The following CCDC3 variants were observed in gnomAD, a reference collection of about 807,000 sequenced individuals.
The protein encoded by CCDC3 is coiled-coil domain-containing protein 3.
Under a neutral mutation model 21.4 loss-of-function variants are expected in CCDC3, and 24 were observed. The ratio of observed to expected loss-of-function variants is 1.12; its 90% CI spans 0.81 to 1.58. CCDC3 has a LOEUF of 1.58. CCDC3 is among the 40% of genes most tolerant of loss of function. The pLI is 0.00. For synonymous variants in CCDC3, 186 were observed against 166.0 expected, an observed-to-expected ratio of 1.12 and a Z score of -0.93; for missense variants, 425 against 360.9, an observed-to-expected ratio of 1.18 and a Z score of -1.44.
intron 2 of CCDC3, among the ~76,000 whole-genome samples, chr10:12,957,334 C>T (rs939198986): frequency 7.9e-5 from 12 of 152,352 alleles, no homozygotes; most frequent in Non-Finnish European, 1.5e-4. Context: ...CTCTCTCCTG[C>T]ACTGCAGTAA....
At chr10:13,024,274 G>A (rs1455852947) in intron 5 of CCDC3, among the ~76,000 whole-genome samples, 1 of 151,312 alleles carries the variant, frequency 6.6e-6, no homozygotes, top group South Asian at 2.1e-4. Context: ...AATTTGTATA[G>A]TTTTATATGC....
At chr10:13,023,284 C>A (rs1836171319) in intron 5 of CCDC3, among the ~76,000 whole-genome samples, 1 of 152,100 alleles carries the variant, frequency 6.6e-6, no homozygotes, top group Non-Finnish European at 1.5e-5. Context: ...GCTCACAATT[C>A]TGTTGGTTGA....
At position 12,948,473 on chromosome 10, in the gene CCDC3, A is replaced by G. The variant is rs1341851210; in HGVS notation, c.550-49794T>C. On this transcript the variant is annotated intron_variant, in intron 2 of 2. Transcript: ENST00000378825. ...TAAAGGCAGGCAGACAATTGCACAC[A>G]CACACACACACACACACACACGGGA... Among the ~76,000 whole-genome samples the G allele has an allele frequency of 5.3e-5, 8 of 149,690 alleles. No homozygotes were observed. The East Asian group carries it at 9.8e-4, about 18-fold the overall frequency.
At chr10:13,064,077 A>G (rs1458794684) in intron 4 of CCDC3, among the ~76,000 whole-genome samples, 2 of 152,096 alleles carry the variant, frequency 1.3e-5, no homozygotes, top group African/African-American at 4.8e-5. Flanking sequence ...ACAGGTGCAC[A>G]CCACCATGCC....
At chr10:12,907,351 TAA>T (rs1453829949) in intron 2 of CCDC3, among the ~76,000 whole-genome samples, 1 of 152,110 alleles carries the variant, frequency 6.6e-6, no homozygotes, top group Non-Finnish European at 1.5e-5. Context: ...TTCCCAGGAA[TAA>T]AGTTAGTTTT....
At chr10:12,904,036 A>T (rs1397275141) in intron 2 of CCDC3, among the ~76,000 whole-genome samples, 1 of 151,764 alleles carries the variant, frequency 6.6e-6, no homozygotes, top group Non-Finnish European at 1.5e-5. Flanking sequence ...TTCTGTTCTA[A>T]TTTTTTCCCC....
chr10:13,011,802 A>G (rs1038122812), intron 5 of CCDC3, among the ~76,000 whole-genome samples: 1 of 152,218 alleles, frequency 6.6e-6, no homozygotes, highest in African/African-American at 2.4e-5. Flanking sequence ...AAACAGTACT[A>G]TAAGGCTACA....
chr10:13,022,198 A>G (rs543534421), intron 5 of CCDC3, among the ~76,000 whole-genome samples: 43 of 151,374 alleles, frequency 2.8e-4, no homozygotes, highest in African/African-American at 8.5e-4. Flanking sequence ...CCTCTCTTCA[A>G]CCTCCTCCTG....
chr10:13,002,885 C>T (rs796696225), upstream of CCDC3, among the ~76,000 whole-genome samples: 10 of 152,184 alleles, frequency 6.6e-5, no homozygotes, highest in South Asian at 4.1e-4. Flanking sequence ...TGTGTCCTCA[C>T]GTGGCCTTCT....
intron 2 of CCDC3, among the ~76,000 whole-genome samples, chr10:12,976,419 G>C (rs533397071): frequency 2.0e-5 from 3 of 152,318 alleles, no homozygotes; most frequent in Admixed American, 2.0e-4. Flanking sequence ...GTACAATGGA[G>C]AAAGGTGTGT....
intron 4 of CCDC3, among the ~76,000 whole-genome samples, chr10:13,072,767 T>G (rs747219930): frequency 2.6e-5 from 4 of 152,074 alleles, no homozygotes; most frequent in Non-Finnish European, 5.9e-5. Flanking sequence ...TCATGTGACA[T>G]GAACCCAGTT....
intron 2 of CCDC3, among the ~76,000 whole-genome samples, chr10:12,920,917 T>G (rs116376942): frequency 1.1e-3 from 170 of 152,280 alleles, no homozygotes; most frequent in African/African-American, 3.8e-3. Context: ...GGTCTTCAAA[T>G]AAGAAGATTT....
intron 3 of CCDC3, among the ~76,000 whole-genome samples, chr10:13,084,992 C>T (rs960035252): frequency 1.3e-5 from 2 of 152,198 alleles, no homozygotes; most frequent in African/African-American, 4.8e-5. Flanking sequence ...TCTCATCTGC[C>T]TTTCTCTGGT....
At chr10:12,998,705 A>G (rs1478771780) in intron 1 of CCDC3, among the ~76,000 whole-genome samples, 193 bp from the exon 2 acceptor site, 3 of 152,216 alleles carry the variant, frequency 2.0e-5, no homozygotes, top group Non-Finnish European at 4.4e-5. Flanking sequence ...AAGGTTTTCA[A>G]AAAGATGAGT....
intron 2 of CCDC3, among the ~76,000 whole-genome samples, chr10:12,986,995 G>A (rs965293019): frequency 3.9e-5 from 6 of 152,046 alleles, no homozygotes; most frequent in Admixed American, 2.0e-4. Context: ...AATCTTCTTC[G>A]AGTGTGAACT....
chr10:13,082,011 C>T (rs1255225871), intron 3 of CCDC3, among the ~76,000 whole-genome samples: 1 of 152,142 alleles, frequency 6.6e-6, no homozygotes, highest in South Asian at 2.1e-4. Flanking sequence ...GGTCAGCCCC[C>T]GAGGGCCATC....
chr10:12,972,103 C>T (rs906951607), intron 2 of CCDC3, among the ~76,000 whole-genome samples: 4 of 152,160 alleles, frequency 2.6e-5, no homozygotes, highest in Non-Finnish European at 4.4e-5. Context: ...CACACTGCTG[C>T]GTGCAGGACA....
intron 5 of CCDC3, among the ~76,000 whole-genome samples, chr10:13,015,482 C>T (rs513155): frequency 0.59 from 88,430 of 149,986 alleles, 26,327 homozygotes; most frequent in East Asian, 0.64. Context: ...GTTACTGTGA[C>T]TGTGTGTTAG....
chr10:12,986,759 C>T lies in CCDC3; in HGVS notation c.549+11579G>A, dbSNP rs182944262. The stretch of plus-strand genomic sequence containing the variant: ...CTGCACCCCAGCCTGGGCGGCAGAG[C>T]GAGACTCCGTCTCAAAAAAAAAAAA... On this transcript the variant is annotated intron_variant, in intron 2 of 2. Transcript: ENST00000378825. Among the ~76,000 whole-genome samples, 9 of 145,250 alleles carry T rather than the reference C, an allele frequency of 6.2e-5. No homozygotes were observed. The East Asian group carries it at 1.4e-3, about 23-fold the overall frequency.
Sources: gnomAD v4.1 joint callset for allele counts (sites outside exome capture counted in the v4.1 genomes callset) on GRCh38, gnomAD v4.1.1 for gene constraint, MANE v1.5 for transcripts, NCBI Gene and HGNC (gene_info 2026-07-23, HGNC 2026-07-21) for gene names.